The following TCF4 variants were observed in gnomAD, a reference collection of about 807,000 sequenced individuals.
TCF4 encodes transcription factor 4, also known as SL3-3 enhancer factor 2.
Under a neutral mutation model 82.1 loss-of-function variants are expected in TCF4, and 3 were observed. The ratio of observed to expected loss-of-function variants is 0.04; its 90% confidence interval spans 0.02 to 0.09. TCF4 has a LOEUF of 0.09. Ranked by LOEUF, TCF4 falls within the 10% of genes least tolerant of loss-of-function variation. TCF4 has a pLI of 1.00. For synonymous variants in TCF4, 276 were observed against 309.6 expected, an observed-to-expected ratio of 0.89 and a Z score of 1.14; for missense variants, 518 against 852.7, an observed-to-expected ratio of 0.61 and a Z score of 4.89.
intron 8 of TCF4, among the ~76,000 whole-genome samples, chr18:55,341,748 C>T (rs151004575): frequency 4.6e-5 from 7 of 152,266 alleles, no homozygotes; most frequent in East Asian, 1.9e-4. Flanking sequence ...CCCTCACTCT[C>T]GTAAAGGTGG....
intron 2 of TCF4, among the ~76,000 whole-genome samples, chr18:55,594,800 A>G (rs2097689191): frequency 6.6e-6 from 1 of 152,178 alleles, no homozygotes; most frequent in Non-Finnish European, 1.5e-5. Flanking sequence ...AGAGGAGGAG[A>G]CTGACGCAGC....
At chr18:55,362,349 G>T (rs1427496208) in intron 6 of TCF4, among the ~76,000 whole-genome samples, 1 of 75,384 alleles carries the variant, frequency 1.3e-5, no homozygotes, top group African/African-American at 5.9e-5. Context: ...GAGGAAGGAA[G>T]GAAGGAAGGA....
intron 3 of TCF4, among the ~76,000 whole-genome samples, chr18:55,484,560 G>A (rs145881353): frequency 1.4e-4 from 22 of 152,258 alleles, no homozygotes; most frequent in African/African-American, 3.9e-4. Flanking sequence ...CTAAAATCTC[G>A]TCTTTTTCTT....
upstream of TCF4, chr18:55,589,775 A>G: frequency 3.0e-6 from 3 of 1,012,312 alleles, no homozygotes; most frequent in Non-Finnish European, 3.5e-6. Flanking sequence ...ATACATTGTA[A>G]TCCATTCACA....
rs781150808 is a variant in TCF4, at chr18:55,293,931, CTTTTTTTTTTTTTTT to C, written c.550-14290_550-14276del. Among the ~76,000 whole-genome samples the C allele has an allele frequency of 9.0e-4, 36 of 40,056 alleles. 3 individuals are homozygous for C. Among genetic ancestry groups the C allele is most frequent in the East Asian group, 4.2e-3 (3 of 710 alleles). The allele number at this position is 40,056 out of a possible 152,430, so 26.3% of individuals were successfully genotyped here. A position where few individuals can be genotyped will look rare whatever the true frequency, so the allele number is the denominator to read the frequency against. ...TTTCATCTTCTAAACTTTCCAAGGACTTTTTTTTTTTTTTTTTTTTTTTTTTTTTTTTAGAATTCA... is the reference window on the plus strand; with the variant it reads ...TTTCATCTTCTAAACTTTCCAAGGACTTTTTTTTTTTTTTTTTAGAATTCA... On this transcript the variant is annotated intron_variant, in intron 8 of 19. Coordinates refer to ENST00000354452, the MANE Select transcript of TCF4 (RefSeq NM_001083962.2).
intron 5 of TCF4, among the ~76,000 whole-genome samples, chr18:55,439,746 G>A (rs569707700): frequency 6.6e-5 from 10 of 152,216 alleles, no homozygotes; most frequent in East Asian, 3.9e-4. Flanking sequence ...TTTTTGAGAC[G>A]GAGTCTCACT....
chr18:55,601,774 G>C lies in TCF4; in HGVS notation c.287-14638C>G, dbSNP rs866550299. ...ACTCCAGTCTGGGCCATCAGAGTGA[G>C]ACTCTGTCTTAAAAAAGAAAAAAAG... On this transcript the variant is annotated intron_variant, in intron 2 of 20. Transcript: ENST00000398339. 7.2e-5 allele frequency among the ~76,000 whole-genome samples: 11 copies of C among 152,272 alleles called. No individual in the cohort carries two copies. The South Asian group carries it at 2.1e-3, about 29-fold the overall frequency.
chr18:55,364,916 T>C (rs770616812), intron 6 of TCF4, among the ~76,000 whole-genome samples: 5 of 151,938 alleles, frequency 3.3e-5, no homozygotes, highest in Non-Finnish European at 5.9e-5. Context: ...ATCCCAGCAC[T>C]TTGGGAACTG....
intron 3 of TCF4, among the ~76,000 whole-genome samples, chr18:55,573,314 A>C (rs956142821): frequency 3.3e-5 from 5 of 151,902 alleles, no homozygotes; most frequent in African/African-American, 1.2e-4. Context: ...AAAAAAAAAA[A>C]ACAAGTAGCC....
chr18:55,464,444 T>C (rs1462233823), intron 3 of TCF4, among the ~76,000 whole-genome samples: 1 of 152,232 alleles, frequency 6.6e-6, no homozygotes, highest in Non-Finnish European at 1.5e-5. Flanking sequence ...TATTACAATC[T>C]TTTGGATAAA....
intron 9 of TCF4, 104 bp from the exon 10 acceptor site, chr18:55,275,856 A>G: frequency 6.9e-7 from 1 of 1,451,590 alleles, no homozygotes; most frequent in Non-Finnish European, 9.6e-7. Context: ...TGTGTTATTC[A>G]TCTTTGTGTT....
intron 8 of TCF4, among the ~76,000 whole-genome samples, chr18:55,301,347 T>G (rs1322833256): frequency 6.6e-6 from 1 of 152,232 alleles, no homozygotes; most frequent in South Asian, 2.1e-4. Flanking sequence ...CTCTCGCCTC[T>G]GCATGTATAT....
chr18:55,395,434 A>G (rs1569349942), intron 6 of TCF4, among the ~76,000 whole-genome samples: 1 of 152,222 alleles, frequency 6.6e-6, no homozygotes, highest in East Asian at 1.9e-4. Flanking sequence ...TGAAATTTCA[A>G]TTTGGATACT....
intron 3 of TCF4, among the ~76,000 whole-genome samples, chr18:55,481,925 T>TA (rs1457419811): frequency 6.6e-6 from 1 of 152,210 alleles, no homozygotes; most frequent in Non-Finnish European, 1.5e-5. Context: ...GAGCTACAGT[T>TA]ACAATGAGCA....
At chr18:55,576,867 T>A (rs902631973) in intron 3 of TCF4, among the ~76,000 whole-genome samples, 6 of 151,702 alleles carry the variant, frequency 4.0e-5, no homozygotes, top group African/African-American at 1.5e-4. Context: ...TTTGCAAAAG[T>A]TTTTCAGCTC....
intron 8 of TCF4, among the ~76,000 whole-genome samples, chr18:55,280,605 G>T (rs925542029): frequency 7.2e-5 from 11 of 151,992 alleles, no homozygotes; most frequent in African/African-American, 2.4e-4. Context: ...CAGAAAGACT[G>T]AAACACTGTC....
At chr18:55,471,323 G>T (rs1300850754) in intron 3 of TCF4, among the ~76,000 whole-genome samples, 2 of 152,120 alleles carry the variant, frequency 1.3e-5, no homozygotes, top group African/African-American at 4.8e-5. Context: ...GCACTAACAA[G>T]AAACTCGACA....
intron 8 of TCF4, among the ~76,000 whole-genome samples, chr18:55,340,322 C>T (rs976153593): frequency 6.6e-6 from 1 of 152,026 alleles, no homozygotes; most frequent in African/African-American, 2.4e-5. Context: ...TTGCAGACCA[C>T]TAGGTCTAAT....
At chr18:55,588,338 G>A, upstream of TCF4, 1 of 1,484,616 alleles carries the variant, frequency 6.7e-7, no homozygotes, top group Non-Finnish European at 8.9e-7. Flanking sequence ...GGCTCCGGCG[G>A]GGAGACGCGA....
Sources: gnomAD v4.1 joint callset for allele counts (sites outside exome capture counted in the v4.1 genomes callset) on GRCh38, gnomAD v4.1.1 for gene constraint, MANE v1.5 for transcripts, NCBI Gene and HGNC (gene_info 2026-07-23, HGNC 2026-07-21) for gene names.